The following STK39 variants were observed in gnomAD, a reference collection of about 807,000 sequenced individuals.
STK39 encodes the protein serine/threonine kinase 39.
In STK39, 20 loss-of-function variants were observed where a neutral mutation model predicts 77.8. The observed-to-expected ratio is 0.26, with a 90% confidence interval of 0.18 to 0.37. The LOEUF (loss-of-function observed/expected upper bound fraction) is 0.37. STK39 is among the 10% of genes least tolerant of loss of function. STK39 has a pLI of 1.00. For missense variants in STK39, 479 were observed against 656.5 expected (o/e 0.73, Z 2.95); for synonymous variants, 246 against 234.1 (o/e 1.05, Z -0.47).
At chr2:168,053,625 T>C (rs1247635209) in intron 14 of STK39, among the ~76,000 whole-genome samples, 2 of 152,214 alleles carry the variant, frequency 1.3e-5, no homozygotes, top group African/African-American at 2.4e-5. Context: ...TCTTGCTCAG[T>C]TGTCAAGGAA....
chr2:168,001,538 CTAATA>C (rs1684002521), intron 16 of STK39, among the ~76,000 whole-genome samples: 1 of 151,574 alleles, frequency 6.6e-6, no homozygotes, highest in Non-Finnish European at 1.5e-5. Context: ...AAATGATAAC[CTAATA>C]TAAGATGCAG....
chr2:168,181,293 T>A (rs1340040099), intron 2 of STK39, among the ~76,000 whole-genome samples: 1 of 152,186 alleles, frequency 6.6e-6, no homozygotes, highest in Non-Finnish European at 1.5e-5. Context: ...CCCTTCACAG[T>A]TTGCCGGGCA....
chr2:167,999,207 T>G (rs7582997), intron 16 of STK39, among the ~76,000 whole-genome samples: 4,815 of 152,214 alleles, frequency 0.032, 240 homozygotes, highest in East Asian at 0.21. Context: ...CACTCAAATG[T>G]CTCCCTCAGA....
chr2:168,048,480 G>A (rs1685305545), intron 14 of STK39, among the ~76,000 whole-genome samples: 1 of 149,726 alleles, frequency 6.7e-6, no homozygotes, highest in South Asian at 2.1e-4. Context: ...CCAAAGTGCT[G>A]GGATTACAGG....
chr2:168,162,969 G>A (rs1260619241), intron 4 of STK39, among the ~76,000 whole-genome samples: 3 of 151,740 alleles, frequency 2.0e-5, no homozygotes, highest in African/African-American at 7.3e-5. Flanking sequence ...AGAGGTTGCA[G>A]TGAGCTGAGA....
At chr2:168,209,816 T>C (rs915716680) in intron 1 of STK39, among the ~76,000 whole-genome samples, 12 of 152,050 alleles carry the variant, frequency 7.9e-5, no homozygotes, top group Non-Finnish European at 1.6e-4. Context: ...CTGGCCAACA[T>C]GGTGAAACCC....
Position 167,954,079 on chromosome 2 carries a change from G to A in STK39, c.*1417C>T, listed in dbSNP as rs926541341. The A allele has an allele frequency of 8.5e-5, 13 of 152,570 alleles. No individual in the cohort carries two copies. Among genetic ancestry groups the A allele is most frequent in the Non-Finnish European group, 1.3e-4 (9 of 68,026 alleles). 9.5% of individuals were successfully genotyped at this position (152,570 alleles called of 1,614,324 possible). On this transcript the variant is annotated 3_prime_UTR_variant, in exon 18 of 18. Coordinates refer to ENST00000355999, the MANE Select transcript of STK39 (RefSeq NM_013233.3). The stretch of plus-strand genomic sequence containing the variant: ...CCTTTGCAGTCATCTTCGAGTAATC[G>A]TTGTGTAAACAATAGAATGGAATGA...
At chr2:167,988,537 A>G (rs955208955) in intron 16 of STK39, among the ~76,000 whole-genome samples, 1 of 152,176 alleles carries the variant, frequency 6.6e-6, no homozygotes, top group Non-Finnish European at 1.5e-5. Flanking sequence ...TTAAAGCTGT[A>G]GAAAAGCAAA....
chr2:168,165,749 T>G (rs1191140241), intron 3 of STK39, among the ~76,000 whole-genome samples: 1 of 151,622 alleles, frequency 6.6e-6, no homozygotes, highest in African/African-American at 2.4e-5. Context: ...CGTCATCTCA[T>G]TTTTGGGCTT....
intron 17 of STK39, among the ~76,000 whole-genome samples, chr2:167,961,259 A>G (rs1286593362): frequency 1.3e-5 from 2 of 152,202 alleles, no homozygotes; most frequent in East Asian, 3.8e-4. Flanking sequence ...GAACCTCTAA[A>G]AATAAGTCCG....
At chr2:168,199,143 T>C (rs1689547876) in intron 1 of STK39, among the ~76,000 whole-genome samples, 1 of 152,182 alleles carries the variant, frequency 6.6e-6, no homozygotes, top group Non-Finnish European at 1.5e-5. Flanking sequence ...CCTTATACCC[T>C]GATACTTAGG....
intron 10 of STK39, among the ~76,000 whole-genome samples, chr2:168,112,513 C>T (rs745451638): frequency 3.3e-5 from 5 of 152,134 alleles, no homozygotes; most frequent in Non-Finnish European, 7.4e-5. Context: ...ATGCGTCTTG[C>T]TTCCCCTTCA....
intron 17 of STK39, among the ~76,000 whole-genome samples, chr2:167,960,646 T>A (rs147287442): frequency 6.6e-6 from 1 of 152,224 alleles, no homozygotes; most frequent in African/African-American, 2.4e-5. Flanking sequence ...CCTCCCGCCA[T>A]GACAGCAGGT....
intron 16 of STK39, among the ~76,000 whole-genome samples, chr2:167,972,921 C>A (rs1261965564): frequency 6.6e-6 from 1 of 152,110 alleles, no homozygotes; most frequent in African/African-American, 2.4e-5. Flanking sequence ...AATTTTTGGG[C>A]AGCTGTTTTG....
chr2:168,214,573 T>G (rs1161631903), intron 1 of STK39, among the ~76,000 whole-genome samples: 1 of 152,190 alleles, frequency 6.6e-6, no homozygotes, highest in Non-Finnish European at 1.5e-5. Context: ...AACAACGTCG[T>G]GAATGTACTA....
intron 10 of STK39, among the ~76,000 whole-genome samples, chr2:168,122,017 G>A (rs948213797): frequency 3.3e-4 from 50 of 152,310 alleles, no homozygotes; most frequent in African/African-American, 1.0e-3. Flanking sequence ...AAAGTGGTTT[G>A]TATTGTTTTG....
At chr2:168,181,948 C>T (rs1196678803) in intron 2 of STK39, 30 bp downstream of exon 2, 1 of 1,579,590 alleles carries the variant, frequency 6.3e-7, no homozygotes, top group Non-Finnish European at 8.7e-7. Context: ...AGAAAAGCAA[C>T]CAGCAGGTAT....
intron 16 of STK39, among the ~76,000 whole-genome samples, chr2:167,999,523 G>A (rs1406507329): frequency 3.9e-5 from 6 of 152,068 alleles, no homozygotes; most frequent in African/African-American, 1.4e-4. Context: ...GTGCAGTGGT[G>A]CTATCTCGGC....
At chr2:168,110,111 T>C (rs2105468092) in intron 10 of STK39, among the ~76,000 whole-genome samples, 1 of 152,348 alleles carries the variant, frequency 6.6e-6, no homozygotes, top group South Asian at 2.1e-4. Flanking sequence ...ATATCTGAGC[T>C]CCAAAGCAAT....
Sources: allele counts gnomAD v4.1 joint callset (sites outside exome capture counted in the v4.1 genomes callset), GRCh38; gene constraint gnomAD v4.1.1; transcripts MANE v1.5; gene names NCBI Gene and HGNC (gene_info 2026-07-23, HGNC 2026-07-21).